Variants in PI4K2B observed in about 807,000 individuals in gnomAD.
PI4K2B encodes the protein phosphatidylinositol 4-kinase type 2 beta, also known as phosphatidylinositol 4-kinase type 2-beta.
In PI4K2B, 46 loss-of-function variants were observed where a neutral mutation model predicts 56.6. That is an observed-to-expected ratio of 0.81 (90% confidence interval 0.64 to 1.04). The LOEUF is 1.04. PI4K2B is among the 50% of genes least tolerant of loss of function. The probability of loss-of-function intolerance (pLI) is 0.00; values close to 1 mark genes in which losing one functional copy is unlikely to be tolerated. For synonymous variants in PI4K2B, 211 were observed against 223.8 expected (o/e 0.94, Z 0.51); for missense variants, 556 against 607.7 (o/e 0.91, Z 0.89).
At chr4:25,269,075 T>C (rs748105314) in intron 8 of PI4K2B, 69 bp from the exon 9 acceptor site, 5 of 837,170 alleles carry the variant, frequency 6.0e-6, no homozygotes, top group South Asian at 4.6e-5. Context: ...AGTTGAAGAG[T>C]TCATCTGTTT....
chr4:25,256,177 C>T (rs991835497), intron 3 of PI4K2B, among the ~76,000 whole-genome samples: 1 of 152,220 alleles, frequency 6.6e-6, no homozygotes, highest in Non-Finnish European at 1.5e-5. Context: ...CACAGCCCCC[C>T]AGAGTGTTGG....
At chr4:25,275,298 A>C (rs1375066132) in intron 9 of PI4K2B, among the ~76,000 whole-genome samples, 1 of 152,248 alleles carries the variant, frequency 6.6e-6, no homozygotes, top group African/African-American at 2.4e-5. Context: ...CATGGTAGGA[A>C]CAATGCTTAT....
chr4:25,242,255 T>C (rs1009301222), intron 1 of PI4K2B, among the ~76,000 whole-genome samples: 5 of 152,186 alleles, frequency 3.3e-5, no homozygotes, highest in African/African-American at 7.2e-5. Context: ...GCTTCCAAAC[T>C]GGCAGCCAAA....
At chr4:25,235,007 A>G (rs1254288394) in intron 1 of PI4K2B, among the ~76,000 whole-genome samples, 2 of 152,268 alleles carry the variant, frequency 1.3e-5, no homozygotes, top group African/African-American at 2.4e-5. Flanking sequence ...CTTCTAATAC[A>G]TAAGAAAACC....
chr4:25,262,574 A>T (rs1716519060), intron 6 of PI4K2B, among the ~76,000 whole-genome samples: 1 of 152,118 alleles, frequency 6.6e-6, no homozygotes, highest in South Asian at 2.1e-4. Context: ...ACTTTTTGTT[A>T]TTGTATCTAG....
chr4:25,267,951 TG>T, intron 7 of PI4K2B: 1 of 679,850 alleles, frequency 1.5e-6, no homozygotes, highest in Non-Finnish European at 1.8e-6. Flanking sequence ...CCGGGTGCGG[TG>T]ATATGCATCT....
intron 7 of PI4K2B, among the ~76,000 whole-genome samples, chr4:25,267,119 GA>G (rs1716692458): frequency 6.6e-6 from 1 of 152,206 alleles, no homozygotes; most frequent in South Asian, 2.1e-4. Context: ...ACATGCTACA[GA>G]GAGATTAGGT....
chr4:25,263,717 C>A, intron 6 of PI4K2B, 33 bp from the exon 7 acceptor site: 1 of 776,300 alleles, frequency 1.3e-6, no homozygotes, highest in Non-Finnish European at 2.2e-6. Flanking sequence ...TATATAGGTT[C>A]TTTTATCAAC....
At position 25,268,439 on chromosome 4, in the gene PI4K2B, T is replaced by G. The variant is rs376801365; in HGVS notation, c.1079-4T>G. 3 of 1,601,052 alleles carry G rather than the reference T, an allele frequency of 1.9e-6. No homozygotes were observed. The African/African-American group carries it at 4.0e-5, about 22-fold the overall frequency. On this transcript the variant is annotated splice_region_variant and splice_polypyrimidine_tract_variant and intron_variant, in intron 7 of 9. Coordinates refer to ENST00000264864, the MANE Select transcript of PI4K2B (RefSeq NM_018323.4). ...CTGATTAGGAGAATGCTTTTTTCTA[T>G]TAGATCCATTTCACTGGGCTTGGCT...
chr4:25,243,543 C>T (rs7696615), intron 1 of PI4K2B, among the ~76,000 whole-genome samples: 2,766 of 152,194 alleles, frequency 0.018, 75 homozygotes, highest in African/African-American at 0.059. Context: ...TATAGAACAC[C>T]GAGGTTGCCA....
chr4:25,244,508 C>T (rs998954007), intron 1 of PI4K2B, among the ~76,000 whole-genome samples: 10 of 152,142 alleles, frequency 6.6e-5, no homozygotes, highest in Non-Finnish European at 1.3e-4. Flanking sequence ...ATTTATACTT[C>T]CCTCAGGTGG....
chr4:25,277,066 T>C lies in PI4K2B; in HGVS notation c.1325T>C (p.Val442Ala). 3.7e-6 allele frequency: 6 copies of C among 1,613,452 alleles called. No individual in the cohort carries two copies. The highest frequency in any genetic ancestry group is 5.1e-6 in the Non-Finnish European group (6 of 1,179,472). The change falls in exon 10 of 10, where the codon GTA becomes GCA. Residue 442 changes from valine (V) to alanine (A), a missense_variant. Val to Ala is a moderately conservative substitution (Grantham distance 64, BLOSUM62 0). Coordinates refer to ENST00000264864, the MANE Select transcript of PI4K2B (RefSeq NM_018323.4). ...GACGGGAAGAGTCCTTTCCAGCTAG[T>C]ACAGATACCTTGTGTGATTGTGGAA... Reference protein sequence around the residue: ...LRDGKSPFQLVQIPCVIVERS... With the variant: ...LRDGKSPFQLAQIPCVIVERS...
intron 1 of PI4K2B, among the ~76,000 whole-genome samples, chr4:25,247,877 A>T (rs1715861005): frequency 1.3e-5 from 2 of 151,822 alleles, no homozygotes; most frequent in South Asian, 4.2e-4. Context: ...CTAATTTTTT[A>T]TTTTTTGTGG....
chr4:25,274,915 C>T lies in PI4K2B; in HGVS notation c.1273-2099C>T, dbSNP rs1022519995. Among the ~76,000 whole-genome samples, 6 of 152,304 alleles carry T rather than the reference C, an allele frequency of 3.9e-5. No homozygotes were observed. In the East Asian group the frequency reaches 1.2e-3, roughly 29 times the overall value. ...GGTTCAAGCGATCCTTGTGCCCCAG[C>T]CTCCCTGATAGCTGGGATTACAGGC... On this transcript the variant is annotated intron_variant, in intron 9 of 9. Coordinates refer to ENST00000264864, the MANE Select transcript of PI4K2B (RefSeq NM_018323.4).
intron 1 of PI4K2B, chr4:25,250,653 C>T (rs995421502): frequency 6.6e-6 from 1 of 152,126 alleles, no homozygotes; most frequent in South Asian, 2.1e-4. Context: ...TAGAAGTTTA[C>T]CTATGTAACC....
chr4:25,234,967 C>T (rs527246775), intron 1 of PI4K2B, among the ~76,000 whole-genome samples: 2 of 152,022 alleles, frequency 1.3e-5, no homozygotes, highest in Admixed American at 6.6e-5. Flanking sequence ...TTCCTGCCCT[C>T]TTACAGTTTA....
chr4:25,247,125 A>C (rs1577680961), intron 1 of PI4K2B, among the ~76,000 whole-genome samples: 1 of 152,290 alleles, frequency 6.6e-6, no homozygotes, highest in East Asian at 1.9e-4. Flanking sequence ...TAGGCCAAGG[A>C]GGTGTGGTGA....
chr4:25,250,989 C>T (rs1272711285), intron 1 of PI4K2B, among the ~76,000 whole-genome samples: 1 of 140,458 alleles, frequency 7.1e-6, no homozygotes, highest in African/African-American at 2.6e-5. Flanking sequence ...ATATGGGAAA[C>T]GTAGGGATGA....
chr4:25,245,655 G>A (rs932293808), intron 1 of PI4K2B, among the ~76,000 whole-genome samples: 5 of 152,242 alleles, frequency 3.3e-5, no homozygotes, highest in African/African-American at 4.8e-5. Flanking sequence ...TTAACTGGCC[G>A]ACAGGTGCCC....
Sources: allele counts gnomAD v4.1 joint callset (sites outside exome capture counted in the v4.1 genomes callset), GRCh38; gene constraint gnomAD v4.1.1; transcripts MANE v1.5; gene names NCBI Gene and HGNC (gene_info 2026-07-23, HGNC 2026-07-21).